SRPRA: variants seen among roughly 807,000 people sequenced by gnomAD.
The protein encoded by SRPRA is SRP receptor subunit alpha, also known as signal recognition particle receptor subunit alpha.
Under a neutral mutation model 61.1 loss-of-function variants are expected in SRPRA, and 30 were observed. The observed-to-expected ratio is 0.49, with a 90% CI of 0.37 to 0.67. SRPRA has a LOEUF of 0.67. Among genes scored for constraint, SRPRA ranks in the 30% least tolerant of loss-of-function variants. The pLI is 0.00. For synonymous variants in SRPRA, 324 were observed against 299.7 expected (o/e 1.08, Z -0.84); for missense variants, 759 against 828.4 (o/e 0.92, Z 1.03).
chr11:126,268,074 T>C lies in SRPRA; in HGVS notation c.130A>G (p.Asn44Asp). 3 of 1,614,044 alleles carry C rather than the reference T, an allele frequency of 1.9e-6. No homozygotes were observed. The highest frequency in any genetic ancestry group is 2.5e-6 in the Non-Finnish European group (3 of 1,179,996). Residue 44 changes from asparagine (N) to aspartate (D), a missense_variant, in exon 2 of 14, where the codon AAC (asparagine) becomes GAC (aspartate). Asn to Asp is a conservative substitution (Grantham distance 23). Around this residue, in one of 2 missense-constraint regions of SRPRA, gnomAD observed 475 missense variants for 462.5 expected, o/e 1.03. Coordinates refer to ENST00000332118, the MANE Select transcript of SRPRA (RefSeq NM_003139.4). ...AGTGCCTCATGGGTGAAGGAGTTGT[T>C]ACCTCCCCGTTCCTGGAGAAAGAGT... ...RSVLLQERGG[N>D]NSFTHEALTL...
At chr11:126,244,660 T>C in the SRPRA span, among the ~76,000 whole-genome samples, 2 of 151,962 alleles carry the variant, frequency 1.3e-5, no homozygotes, top group Non-Finnish European at 2.9e-5. This position sits in a 1 kb window ranked among gnomAD's most constrained non-coding sequence, Gnocchi z 4.5. Flanking sequence ...AAAAATTAGC[T>C]GAGCATGATG....
chr11:126,261,593 T>TA (rs1950700747), downstream of SRPRA: 1 of 796,572 alleles, frequency 1.3e-6, no homozygotes, highest in Admixed American at 2.4e-5. Flanking sequence ...TGCCAAATTT[T>TA]AAAAAACACT....
exon 14 of SRPRA, chr11:126,262,935 CAATT>C (rs1187418262): frequency 6.6e-6 from 1 of 152,602 alleles, no homozygotes; most frequent in Non-Finnish European, 1.5e-5. Flanking sequence ...ACCTAAAAGG[CAATT>C]TATTTATGAA....
chr11:126,259,802 G>C (rs1273917404), downstream of SRPRA, among the ~76,000 whole-genome samples: 1 of 149,680 alleles, frequency 6.7e-6, no homozygotes, highest in African/African-American at 2.5e-5. Context: ...CTCACTGCAA[G>C]CTCTGCCTCC....
chr11:126,250,445 T>G, the SRPRA span: 1 of 1,206,928 alleles, frequency 8.3e-7, no homozygotes, highest in Non-Finnish European at 1.2e-6. The surrounding 1 kb of genome is among the most constrained non-coding windows in gnomAD (Gnocchi z 5.1). Context: ...CTGCTGTAAC[T>G]AAAACAACTG....
chr11:126,261,241 G>C (rs976728921), downstream of SRPRA: 5 of 578,782 alleles, frequency 8.6e-6, no homozygotes, highest in African/African-American at 7.4e-5. Flanking sequence ...GTTAGGTAAT[G>C]CAAGTCTAAA....
At position 126,265,606 on chromosome 11, in the gene SRPRA, A is replaced by G. The variant is rs1290637266; in HGVS notation, c.1138+131T>C. ...AGGACTAACTCACTGAATCCTCTCA[A>G]TAACCCTTAAAATCTAGGTTACAGA... On this transcript the variant is annotated intron_variant, in intron 9 of 13. Transcript: ENST00000332118. The surrounding 1 kb of genome is among the most constrained non-coding windows in gnomAD (Gnocchi z 6.3). The G allele has an allele frequency of 1.9e-5, 24 of 1,243,546 alleles. No homozygotes were observed. Among genetic ancestry groups the G allele is most frequent in the Non-Finnish European group, 2.5e-5 (22 of 878,890 alleles). The allele number at this position is 1,243,546 out of a possible 1,614,324, so 77.0% of individuals were successfully genotyped here.
At chr11:126,259,320 A>G (rs535012440), downstream of SRPRA, among the ~76,000 whole-genome samples, 1 of 152,204 alleles carries the variant, frequency 6.6e-6, no homozygotes, top group African/African-American at 2.4e-5. Context: ...ATTGTCTTCA[A>G]AGGATTCTAT....
At chr11:126,251,731 CTT>C in the SRPRA span, among the ~76,000 whole-genome samples, 17 of 137,354 alleles carry the variant, frequency 1.2e-4, no homozygotes, top group Admixed American at 2.2e-4. Context: ...TAACTTGCAG[CTT>C]TTTTTTTTTT....
At chr11:126,261,417 CTATT>C, downstream of SRPRA, 1 of 1,613,386 alleles carries the variant, frequency 6.2e-7, no homozygotes, top group Non-Finnish European at 8.5e-7. Flanking sequence ...CTGATGTCCT[CTATT>C]TAGCAGGGAT....
At chr11:126,268,572 G>A (rs1950872477) in intron 1 of SRPRA, 116 bp downstream of exon 1, 9 of 803,824 alleles carry the variant, frequency 1.1e-5, no homozygotes, top group Admixed American at 4.6e-5. Flanking sequence ...TTACGCGTGA[G>A]TGGTCAGTGT....
At chr11:126,243,248 A>G in the SRPRA span, among the ~76,000 whole-genome samples, 4 of 152,216 alleles carry the variant, frequency 2.6e-5, no homozygotes, top group Non-Finnish European at 1.5e-5. Flanking sequence ...AGTACTTCCA[A>G]CTCATTGTAT....
chr11:126,260,490 A>G (rs2135225229), downstream of SRPRA: 1 of 149,764 alleles, frequency 6.7e-6, no homozygotes, highest in East Asian at 2.0e-4. Context: ...ATTGACTTTT[A>G]TATTCCAGTA....
At chr11:126,237,788 C>T in the SRPRA span, among the ~76,000 whole-genome samples, 5 of 134,830 alleles carry the variant, frequency 3.7e-5, no homozygotes, top group Non-Finnish European at 6.2e-5. Flanking sequence ...ACCTGGGAGG[C>T]GGAGGTTGCA....
chr11:126,242,765 C>G, the SRPRA span, among the ~76,000 whole-genome samples: 1 of 152,118 alleles, frequency 6.6e-6, no homozygotes, highest in Non-Finnish European at 1.5e-5. Flanking sequence ...AAATTGGAAC[C>G]TTTGTGGGAA....
At chr11:126,258,670 A>G (rs900112270), downstream of SRPRA, among the ~76,000 whole-genome samples, 3 of 152,160 alleles carry the variant, frequency 2.0e-5, no homozygotes, top group Non-Finnish European at 4.4e-5. Context: ...GTTTGCCCAC[A>G]CTTGAGACTT....
the SRPRA span, among the ~76,000 whole-genome samples, chr11:126,239,421 A>T: frequency 6.6e-6 from 1 of 152,142 alleles, no homozygotes; most frequent in African/African-American, 2.4e-5. Flanking sequence ...GAAATTTTCT[A>T]TGTGTGTGTA....
At chr11:126,256,899 TC>T in the SRPRA span, 3 of 1,546,784 alleles carry the variant, frequency 1.9e-6, no homozygotes. This position sits in a 1 kb window ranked among gnomAD's most constrained non-coding sequence, Gnocchi z 6.6. Context: ...CAACAGCTCT[TC>T]AGCCTTTTGT....
the SRPRA span, chr11:126,241,093 A>C: frequency 6.3e-4 from 943 of 1,502,082 alleles, 6 homozygotes; most frequent in African/African-American, 0.012. Flanking sequence ...CTAAAATTTA[A>C]CTATCACAAC....
Sources: allele counts gnomAD v4.1 joint callset (sites outside exome capture counted in the v4.1 genomes callset), GRCh38; gene constraint gnomAD v4.1.1; regional missense constraint gnomAD v4.1.1; non-coding constraint Gnocchi (gnomAD v3.1); transcripts MANE v1.5; gene names NCBI Gene and HGNC (gene_info 2026-07-23, HGNC 2026-07-21).